MAP2K1: variants seen among roughly 807,000 people sequenced by gnomAD.
MAP2K1 encodes the protein dual specificity mitogen-activated protein kinase kinase 1.
A neutral mutation model predicts 46.3 loss-of-function variants in MAP2K1; 16 were observed. That is an observed-to-expected ratio of 0.35 (90% confidence interval 0.23 to 0.52). The LOEUF is 0.52. Ranked by LOEUF, MAP2K1 falls within the 20% of genes least tolerant of loss-of-function variation. MAP2K1 has a pLI of 0.94. For missense variants in MAP2K1, 263 were observed against 497.1 expected, an observed-to-expected ratio of 0.53 and a Z score of 4.48; for synonymous variants, 183 against 185.6, an observed-to-expected ratio of 0.99 and a Z score of 0.11.
chr15:66,458,669 A>G (rs969224757), intron 5 of MAP2K1, among the ~76,000 whole-genome samples: 3 of 152,132 alleles, frequency 2.0e-5, no homozygotes, highest in Admixed American at 2.0e-4. Context: ...AATATGTGCT[A>G]TCATGCCTGA....
chr15:66,475,696 T>C (rs1247226522), intron 5 of MAP2K1, among the ~76,000 whole-genome samples: 1 of 152,220 alleles, frequency 6.6e-6, no homozygotes, highest in East Asian at 1.9e-4. Context: ...ACTCAGGCTA[T>C]CATCTGATGG....
intron 1 of MAP2K1, among the ~76,000 whole-genome samples, chr15:66,405,653 G>A (rs1167875421): frequency 6.6e-6 from 1 of 152,152 alleles, no homozygotes; most frequent in East Asian, 1.9e-4. Context: ...TGAACAGAAT[G>A]GAAATGTGAG....
intron 5 of MAP2K1, among the ~76,000 whole-genome samples, chr15:66,471,069 G>T (rs1007717633): frequency 6.6e-6 from 1 of 152,114 alleles, no homozygotes; most frequent in African/African-American, 2.4e-5. Context: ...AATCAGATAC[G>T]CATTTATCTC....
chr15:66,390,378 C>G (rs1456985988), intron 1 of MAP2K1, among the ~76,000 whole-genome samples: 2 of 152,128 alleles, frequency 1.3e-5, no homozygotes, highest in Non-Finnish European at 2.9e-5. Context: ...GTGATTAGAC[C>G]AGGGCACAAT....
At chr15:66,480,307 C>T (rs1279815306) in intron 5 of MAP2K1, among the ~76,000 whole-genome samples, 5 of 152,122 alleles carry the variant, frequency 3.3e-5, no homozygotes, top group Admixed American at 3.3e-4. Context: ...TCAGGCTGGT[C>T]TCAAACTCCT....
chr15:66,472,576 C>A (rs990507568), intron 5 of MAP2K1, among the ~76,000 whole-genome samples: 1 of 152,162 alleles, frequency 6.6e-6, no homozygotes, highest in Non-Finnish European at 1.5e-5. Context: ...GGGGGCTGCC[C>A]TGTAGCCAGG....
intron 5 of MAP2K1, among the ~76,000 whole-genome samples, chr15:66,465,690 A>C (rs1003700504): frequency 1.3e-5 from 2 of 152,116 alleles, no homozygotes; most frequent in South Asian, 4.1e-4. Context: ...TCCATCTCAA[A>C]AACAACAACA....
At chr15:66,443,082 AT>A (rs398027713) in intron 3 of MAP2K1, among the ~76,000 whole-genome samples, 197 bp from the exon 4 acceptor site, 5,117 of 90,760 alleles carry the variant, frequency 0.056, 80 homozygotes, top group Middle Eastern at 0.16. Flanking sequence ...TTGTGTGTGT[AT>A]TTTTTTTTTT....
Position 66,436,770 on chromosome 15 carries a change from G to T in MAP2K1, c.316G>T (p.Ala106Ser), listed in dbSNP as rs752994941. The change falls in exon 3 of 11, where the codon GCA (alanine) becomes TCA (serine). Residue 106 changes from alanine to serine, a missense_variant. Physicochemically the swap from Ala to Ser is moderately conservative, Grantham distance 99. Transcript: ENST00000307102. ...RKLIHLEIKP[A>S]IRNQIIRELQ... is the part of the protein sequence containing the mutation. ...GCTAATTCATCTGGAGATCAAACCC[G>T]CAATCCGGAACCAGATCATAAGGGA... 1 of 1,613,986 alleles carries T rather than the reference G, an allele frequency of 6.2e-7. No homozygotes were observed. Among genetic ancestry groups the T allele is most frequent in the South Asian group, 1.1e-5 (1 of 91,078 alleles).
At chr15:66,415,037 C>T (rs2093421463) in intron 1 of MAP2K1, 1 of 486,468 alleles carries the variant, frequency 2.1e-6, no homozygotes, top group Non-Finnish European at 4.1e-6. Flanking sequence ...GAGATGCTCC[C>T]CTTCTTCATG....
intron 1 of MAP2K1, among the ~76,000 whole-genome samples, chr15:66,402,877 A>G (rs924877695): frequency 6.6e-6 from 1 of 152,168 alleles, no homozygotes; most frequent in Non-Finnish European, 1.5e-5. Flanking sequence ...CGTTGCTCTC[A>G]GTAGCAGTTC....
intron 5 of MAP2K1, among the ~76,000 whole-genome samples, chr15:66,453,903 A>T (rs1409339003): frequency 6.6e-6 from 1 of 152,150 alleles, no homozygotes; most frequent in Non-Finnish European, 1.5e-5. Context: ...GGCTAAAGCG[A>T]TTCTCCTGCC....
chr15:66,462,615 T>A (rs560508176), intron 5 of MAP2K1, among the ~76,000 whole-genome samples: 4 of 144,846 alleles, frequency 2.8e-5, no homozygotes, highest in Admixed American at 2.8e-4. Context: ...AAAAAAAAAA[T>A]TGGCTAAAAG....
chr15:66,391,566 C>T (rs1206591147), intron 1 of MAP2K1, among the ~76,000 whole-genome samples: 3 of 152,174 alleles, frequency 2.0e-5, no homozygotes, highest in Non-Finnish European at 2.9e-5. Flanking sequence ...GCCACTGTGC[C>T]CAGCCTGCAC....
At chr15:66,441,304 C>T (rs970993420) in intron 3 of MAP2K1, among the ~76,000 whole-genome samples, 2 of 152,144 alleles carry the variant, frequency 1.3e-5, no homozygotes, top group African/African-American at 2.4e-5. Context: ...CTCTTACCAA[C>T]CCCCAGGGGA....
chr15:66,456,176 A>G (rs1009237200), intron 5 of MAP2K1, among the ~76,000 whole-genome samples: 1 of 152,236 alleles, frequency 6.6e-6, no homozygotes, highest in African/African-American at 2.4e-5. Flanking sequence ...CTCGTTAGGC[A>G]TAAAGTTGGC....
chr15:66,488,903 C>G, intron 8 of MAP2K1: 1 of 453,892 alleles, frequency 2.2e-6, no homozygotes, highest in Non-Finnish European at 4.1e-6. Flanking sequence ...CTCTTCATGT[C>G]ATAGAAGAGT....
intron 3 of MAP2K1, among the ~76,000 whole-genome samples, chr15:66,442,957 A>G (rs1272517015): frequency 6.6e-6 from 1 of 152,154 alleles, no homozygotes; most frequent in Non-Finnish European, 1.5e-5. Context: ...ACATAGGACA[A>G]GGTATGGGAG....
intron 1 of MAP2K1, 124 bp downstream of exon 1, chr15:66,387,551 A>G: frequency 1.1e-6 from 1 of 946,066 alleles, no homozygotes; most frequent in Non-Finnish European, 1.6e-6. Context: ...GGGGGCGAGA[A>G]ACTCCCGGCC....
Sources: allele counts gnomAD v4.1 joint callset (sites outside exome capture counted in the v4.1 genomes callset), GRCh38; gene constraint gnomAD v4.1.1; transcripts MANE v1.5; gene names NCBI Gene and HGNC (gene_info 2026-07-23, HGNC 2026-07-21).